MEGF11: variants seen among roughly 807,000 people sequenced by gnomAD.
MEGF11 encodes multiple epidermal growth factor-like domains protein 11.
MEGF11 carries 126 observed loss-of-function variants against 146.6 expected under a neutral mutation model. That is an observed-to-expected ratio of 0.86 (90% CI 0.74 to 1.00). The LOEUF (loss-of-function observed/expected upper bound fraction) is 1.00, where lower values mean the gene tolerates loss of function less well. Ranked by LOEUF, MEGF11 falls within the 50% of genes least tolerant of loss-of-function variation. MEGF11 has a pLI of 0.00. For synonymous variants in MEGF11, 532 were observed against 583.4 expected (o/e 0.91, Z 1.27); for missense variants, 1,509 against 1,521.2 (o/e 0.99, Z 0.13).
intron 10 of MEGF11, among the ~76,000 whole-genome samples, chr15:65,955,767 T>A (rs1331894070): frequency 0.045 from 223 of 4,906 alleles, 9 homozygotes; most frequent in Non-Finnish European, 0.082. Context: ...AAAAAATATA[T>A]ATATATATAT....
Position 65,895,750 on chromosome 15 carries a change from G to A in MEGF11, c.*2184C>T, listed in dbSNP as rs1439135336. The A allele has an allele frequency of 1.3e-5, 2 of 152,562 alleles. No individual in the cohort carries two copies. 9.5% of individuals were successfully genotyped at this position (152,562 alleles called of 1,614,324 possible). ...CCTTAAAAAGTCATGGACTGCTAGA[G>A]CTGAAGGGTTAGTAGAGCTGTCTTC... On this transcript the variant is annotated 3_prime_UTR_variant, in exon 26 of 26. Transcript: ENST00000395614.
chr15:66,218,312 C>A (rs1597157554), intron 1 of MEGF11, among the ~76,000 whole-genome samples: 1 of 152,170 alleles, frequency 6.6e-6, no homozygotes, highest in South Asian at 2.1e-4. Flanking sequence ...GTTCCCAGGG[C>A]CACAGTGATG....
intron 4 of MEGF11, among the ~76,000 whole-genome samples, chr15:66,101,266 G>A (rs1198477299): frequency 6.6e-6 from 1 of 152,128 alleles, no homozygotes; most frequent in Non-Finnish European, 1.5e-5. Flanking sequence ...TCTCCAGCCT[G>A]CCGCTCCGGA....
chr15:66,181,218 CA>C (rs1223328657), intron 1 of MEGF11, among the ~76,000 whole-genome samples: 1 of 152,126 alleles, frequency 6.6e-6, no homozygotes, highest in Non-Finnish European at 1.5e-5. Context: ...CTGTTGTTAT[CA>C]GACTTTGAAG....
intron 5 of MEGF11, among the ~76,000 whole-genome samples, chr15:65,988,959 A>G (rs1444705844): frequency 1.3e-5 from 2 of 152,140 alleles, no homozygotes; most frequent in Non-Finnish European, 2.9e-5. Flanking sequence ...AGCTGCTTGT[A>G]GGATTCACTT....
At chr15:66,188,680 C>T (rs2090781071) in intron 1 of MEGF11, among the ~76,000 whole-genome samples, 1 of 152,212 alleles carries the variant, frequency 6.6e-6, no homozygotes, top group Admixed American at 6.5e-5. Flanking sequence ...AGTATGCAGA[C>T]TCCTGGCCTT....
chr15:66,000,007 G>A (rs2082312783), intron 5 of MEGF11, among the ~76,000 whole-genome samples: 1 of 152,186 alleles, frequency 6.6e-6, no homozygotes. Context: ...AAGTACAAGT[G>A]CTGCTTAACC....
chr15:66,011,726 T>C lies in MEGF11; in HGVS notation c.395-29238A>G, dbSNP rs1312196776. Among the ~76,000 whole-genome samples, 8 of 24,178 alleles carry C rather than the reference T, an allele frequency of 3.3e-4. No homozygotes were observed. In the Admixed American group the frequency reaches 3.8e-3, roughly 12 times the overall value. 15.9% of individuals were successfully genotyped at this position (24,178 alleles called of 152,430 possible). On this transcript the variant is annotated intron_variant, in intron 5 of 25. Transcript: ENST00000395614. The stretch of plus-strand genomic sequence containing the variant: ...GGACCCCCAGGGAATTTAGCTATTA[T>C]TATTATTATTATTATTATTATTAAA...
rs374414606 is a variant in MEGF11, at chr15:66,034,140, G to A, written c.395-51652C>T. Among the ~76,000 whole-genome samples, 40 of 152,302 alleles carry A rather than the reference G, an allele frequency of 2.6e-4. 1 individual carries two copies. The South Asian group carries it at 5.8e-3, about 22-fold the overall frequency. ...CTTGCTAATTCCTCCCTTTTGGAACGGAAGTGTCTGTCCTATACCTGTCCC... is the reference window on the plus strand; with the variant it reads ...CTTGCTAATTCCTCCCTTTTGGAACAGAAGTGTCTGTCCTATACCTGTCCC... On this transcript the variant is annotated intron_variant, in intron 5 of 25. Transcript: ENST00000395614.
intron 1 of MEGF11, among the ~76,000 whole-genome samples, chr15:66,235,366 G>A (rs1358571162): frequency 6.6e-6 from 1 of 152,012 alleles, no homozygotes; most frequent in Non-Finnish European, 1.5e-5. Flanking sequence ...GCTGGGTATG[G>A]TGGCATGCAC....
At chr15:66,110,056 G>A (rs2087311424) in intron 4 of MEGF11, among the ~76,000 whole-genome samples, 1 of 152,138 alleles carries the variant, frequency 6.6e-6, no homozygotes, top group Admixed American at 6.5e-5. Context: ...ACAGGATGGT[G>A]GGTACAGAGT....
intron 5 of MEGF11, among the ~76,000 whole-genome samples, chr15:66,083,166 A>G (rs894159080): frequency 3.3e-5 from 5 of 152,166 alleles, no homozygotes; most frequent in African/African-American, 1.2e-4. Context: ...CCTGACCTGT[A>G]GTCATAGGTT....
At chr15:66,178,547 G>T (rs2090454475) in intron 1 of MEGF11, among the ~76,000 whole-genome samples, 1 of 152,236 alleles carries the variant, frequency 6.6e-6, no homozygotes, top group South Asian at 2.1e-4. Flanking sequence ...TCCCCTGAAT[G>T]TGGCATGCAC....
intron 5 of MEGF11, among the ~76,000 whole-genome samples, chr15:66,002,322 T>C (rs1021655093): frequency 6.6e-5 from 10 of 152,126 alleles, no homozygotes; most frequent in African/African-American, 2.2e-4. Flanking sequence ...AAACAGGAGG[T>C]AGGCTCCTCA....
intron 5 of MEGF11, among the ~76,000 whole-genome samples, chr15:66,090,635 C>T (rs28650396): frequency 0.14 from 21,501 of 152,236 alleles, 1,659 homozygotes; most frequent in Admixed American, 0.2. Flanking sequence ...ATTCTGAAGC[C>T]AGCAGGCCCC....
intron 1 of MEGF11, among the ~76,000 whole-genome samples, chr15:66,137,956 G>A (rs1461756885): frequency 2.0e-5 from 3 of 152,168 alleles, no homozygotes; most frequent in African/African-American, 7.2e-5. Context: ...CTACTCAAGA[G>A]GCTGAGGCAA....
chr15:66,123,365 G>A (rs2088147416), intron 3 of MEGF11, among the ~76,000 whole-genome samples: 1 of 152,202 alleles, frequency 6.6e-6, no homozygotes. Flanking sequence ...GGCTACATCT[G>A]CTCAGGGCAG....
intron 4 of MEGF11, among the ~76,000 whole-genome samples, chr15:66,099,717 T>A (rs1173219756): frequency 6.6e-6 from 1 of 152,196 alleles, no homozygotes; most frequent in East Asian, 1.9e-4. Context: ...TTGCTTTCTT[T>A]TTAAAATGTT....
chr15:66,052,556 C>T (rs939617684), intron 5 of MEGF11, among the ~76,000 whole-genome samples: 1 of 152,230 alleles, frequency 6.6e-6, no homozygotes, highest in Admixed American at 6.5e-5. Context: ...TATTCCAGGC[C>T]TGCCTGTTCT....
Sources: allele counts gnomAD v4.1 joint callset (sites outside exome capture counted in the v4.1 genomes callset), GRCh38; gene constraint gnomAD v4.1.1; transcripts MANE v1.5; gene names NCBI Gene and HGNC (gene_info 2026-07-23, HGNC 2026-07-21).